SLC17A6: variants seen among roughly 807,000 people sequenced by gnomAD.
The protein encoded by SLC17A6 is solute carrier family 17 member 6, also known as vesicular glutamate transporter 2.
A neutral mutation model predicts 67.1 loss-of-function variants in SLC17A6; 35 were observed. The ratio of observed to expected loss-of-function variants is 0.52; its 90% CI spans 0.40 to 0.69. The LOEUF (loss-of-function observed/expected upper bound fraction) is 0.69, where lower values mean the gene tolerates loss of function less well. Among genes scored for constraint, SLC17A6 ranks in the 30% least tolerant of loss-of-function variants. SLC17A6 has a pLI of 0.00. For missense variants in SLC17A6, 588 were observed against 723.9 expected, an observed-to-expected ratio of 0.81 and a Z score of 2.15; for synonymous variants, 285 against 252.3, an observed-to-expected ratio of 1.13 and a Z score of -1.23.
intron 3 of SLC17A6, among the ~76,000 whole-genome samples, chr11:22,345,315 AT>A (rs5790254): frequency 2.2e-3 from 308 of 142,680 alleles, no homozygotes; most frequent in Middle Eastern, 3.8e-3. Flanking sequence ...TACTCAAAAG[AT>A]TTTTTTTTTT....
At chr11:22,375,940 T>A (rs1017164020) in intron 9 of SLC17A6, 42 bp from the exon 10 acceptor site, 17 of 1,504,562 alleles carry the variant, frequency 1.1e-5, no homozygotes, top group Non-Finnish European at 1.5e-5. Flanking sequence ...TTGGTAAAAT[T>A]TCAAAAATTT....
At chr11:22,367,689 T>G (rs1204972546) in intron 7 of SLC17A6, among the ~76,000 whole-genome samples, 2 of 152,172 alleles carry the variant, frequency 1.3e-5, no homozygotes, top group Non-Finnish European at 2.9e-5. Context: ...TATGTCTAGA[T>G]TAGAAATAAA....
At chr11:22,362,663 A>G (rs1856066194) in intron 5 of SLC17A6, 76 bp from the exon 6 acceptor site, 2 of 1,247,746 alleles carry the variant, frequency 1.6e-6, no homozygotes, top group Non-Finnish European at 2.3e-6. Context: ...GTGTGAATCA[A>G]CAAAGGAATG....
intron 2 of SLC17A6, among the ~76,000 whole-genome samples, chr11:22,342,320 G>A (rs955092256): frequency 6.6e-6 from 1 of 152,064 alleles, no homozygotes; most frequent in South Asian, 2.1e-4. Flanking sequence ...CCCAGAGAGG[G>A]GAGGGTCACG....
chr11:22,362,369 A>G, intron 5 of SLC17A6: 1 of 335,982 alleles, frequency 3.0e-6, no homozygotes. Flanking sequence ...CTACAAGGAG[A>G]TACATGCTTG....
At chr11:22,341,854 G>T (rs72636009) in intron 2 of SLC17A6, 74 bp downstream of exon 2, 143,865 of 1,530,572 alleles carry the variant, frequency 0.094, 11,544 homozygotes, top group East Asian at 0.45. Flanking sequence ...TCCTGTTTGA[G>T]CCCCGTTCCC....
chr11:22,353,738 C>T lies in SLC17A6; in HGVS notation c.459-5675C>T, dbSNP rs192371539. On this transcript the variant is annotated intron_variant, in intron 3 of 11. Transcript: ENST00000263160. Reference sequence around the variant, plus strand: ...CCATTTTAGCAATGTTTCTATTCTACCCTTGCCTCTACCCTCTATAACAAA... The same window carrying T: ...CCATTTTAGCAATGTTTCTATTCTATCCTTGCCTCTACCCTCTATAACAAA... Among the ~76,000 whole-genome samples, 601 of 152,290 alleles carry T rather than the reference C, an allele frequency of 3.9e-3. 2 individuals carry two copies. The highest frequency in any genetic ancestry group is 0.017 in the Middle Eastern group (5 of 294).
At chr11:22,361,057 G>A in intron 5 of SLC17A6, 73 bp downstream of exon 5, 2 of 1,313,812 alleles carry the variant, frequency 1.5e-6, no homozygotes, top group Non-Finnish European at 2.1e-6. Flanking sequence ...TTGAAAATTT[G>A]GTAAACTCAC....
chr11:22,364,696 A>G (rs1056032348), intron 6 of SLC17A6, among the ~76,000 whole-genome samples: 1 of 152,148 alleles, frequency 6.6e-6, no homozygotes, highest in Non-Finnish European at 1.5e-5. Context: ...TTGTTACCCA[A>G]GGGACAAACA....
At chr11:22,351,730 T>C (rs2133864471) in intron 3 of SLC17A6, among the ~76,000 whole-genome samples, 1 of 152,292 alleles carries the variant, frequency 6.6e-6, no homozygotes, top group Admixed American at 6.5e-5. Context: ...TGGAACAATT[T>C]TGAGAAATGA....
chr11:22,341,420 T>G (rs3816363), intron 1 of SLC17A6, 108 bp from the exon 2 acceptor site: 2 of 1,470,408 alleles, frequency 1.4e-6, no homozygotes, highest in African/African-American at 1.4e-5. Flanking sequence ...TGGGGGGAGG[T>G]CGACGGCCCT....
intron 4 of SLC17A6, among the ~76,000 whole-genome samples, chr11:22,360,035 T>C (rs894435167): frequency 3.9e-5 from 6 of 152,042 alleles, no homozygotes; most frequent in African/African-American, 1.4e-4. Flanking sequence ...AAACTCGAGT[T>C]CGGCTTACCA....
intron 3 of SLC17A6, among the ~76,000 whole-genome samples, chr11:22,344,009 C>A (rs1855849077): frequency 6.6e-6 from 1 of 152,146 alleles, no homozygotes; most frequent in South Asian, 2.1e-4. Context: ...GAAGCGCCAC[C>A]AACGGCACCT....
At chr11:22,358,260 T>C (rs1033741547) in intron 3 of SLC17A6, among the ~76,000 whole-genome samples, 3 of 152,248 alleles carry the variant, frequency 2.0e-5, no homozygotes, top group Non-Finnish European at 4.4e-5. Context: ...GGAATAGTTA[T>C]AAAGTAACCG....
chr11:22,341,734 T>C lies in SLC17A6; in HGVS notation c.293T>C (p.Met98Thr). 1 of 1,614,194 alleles carries C rather than the reference T, an allele frequency of 6.2e-7. No individual in the cohort carries two copies. The highest frequency in any genetic ancestry group is 8.5e-7 in the Non-Finnish European group (1 of 1,180,028). Residue 98 changes from methionine to threonine, a missense_variant, in exon 2 of 12, where the codon ATG (methionine) becomes ACG (threonine). By Grantham distance (81) the Met-to-Thr change is moderately conservative. This residue lies in a region of SLC17A6 where 48 missense variants were observed against 36.5 expected (regional missense o/e 1.32). Coordinates refer to ENST00000263160, the MANE Select transcript of SLC17A6 (RefSeq NM_020346.3). ...RCNLGVAIVD[M>T]VNNSTIHRGG... ...AACCTGGGCGTGGCCATTGTGGACA[T>C]GGTCAACAACAGCACCATCCACCGC...
intron 3 of SLC17A6, among the ~76,000 whole-genome samples, chr11:22,351,306 T>A (rs1276698896): frequency 6.6e-6 from 1 of 152,144 alleles, no homozygotes; most frequent in Non-Finnish European, 1.5e-5. Context: ...TGTGTAATAG[T>A]GAGGTTTAGG....
Position 22,362,818 on chromosome 11 carries a change from T to C in SLC17A6, c.741T>C (p.Tyr247=). The C allele has an allele frequency of 1.2e-6, 2 of 1,613,210 alleles. No homozygotes were observed. Among genetic ancestry groups the C allele is most frequent in the Admixed American group, 1.7e-5 (1 of 60,016 alleles). Residue 247 remains tyrosine (Y), a synonymous_variant, in exon 6 of 12, where the codon TAT becomes TAC. Coordinates refer to ENST00000263160, the MANE Select transcript of SLC17A6 (RefSeq NM_020346.3). ...VQYTGWSSVF[Y]VYGSFGMVWY... is the part of the protein sequence containing the mutation. ...ACACTGGCTGGTCTTCAGTGTTTTA[T>C]GTCTACGGTATGTTATATTTCTATG...
intron 3 of SLC17A6, among the ~76,000 whole-genome samples, 180 bp from the exon 4 acceptor site, chr11:22,359,233 G>A (rs1449246692): frequency 2.0e-5 from 3 of 152,108 alleles, no homozygotes; most frequent in Non-Finnish European, 2.9e-5. Context: ...GATGGCCCAT[G>A]TATATATTCA....
In SLC17A6 at chr11:22,377,623, T is replaced by C. The variant is rs182025565; in HGVS notation, c.1632T>C (p.Tyr544=). 5.0e-6 allele frequency: 8 copies of C among 1,614,138 alleles called. No individual in the cohort carries two copies. The East Asian group carries it at 8.9e-5, about 18-fold the overall frequency. The change falls in exon 12 of 12, where the codon TAT becomes TAC. Residue 544 remains tyrosine, a synonymous_variant. Transcript: ENST00000263160. The stretch of plus-strand genomic sequence containing the variant: ...TAAATTATGGTACCACCAAGTCTTA[T>C]GGTGCCACAACACAGGCCAATGGAG... The part of the protein sequence containing the change: ...NYINYGTTKS[Y]GATTQANGGW...
Sources: allele counts gnomAD v4.1 joint callset (sites outside exome capture counted in the v4.1 genomes callset), GRCh38; gene constraint gnomAD v4.1.1; regional missense constraint gnomAD v4.1.1; transcripts MANE v1.5; gene names NCBI Gene and HGNC (gene_info 2026-07-23, HGNC 2026-07-21).